Variants in SCUBE2 observed in about 807,000 individuals in gnomAD.
SCUBE2 encodes the protein signal peptide, CUB domain and EGF like domain containing 2.
In SCUBE2, 114 loss-of-function variants were observed where a neutral mutation model predicts 125.9. That is an observed-to-expected ratio of 0.91 (90% CI 0.78 to 1.06). The LOEUF (loss-of-function observed/expected upper bound fraction) is 1.06. Ranked by LOEUF, SCUBE2 falls within the 50% of genes least tolerant of loss-of-function variation. The probability of loss-of-function intolerance (pLI) is 0.00; values close to 1 mark genes in which losing one functional copy is unlikely to be tolerated. For missense variants in SCUBE2, 1,255 were observed against 1,301.8 expected (o/e 0.96, Z 0.55); for synonymous variants, 459 against 492.9 (o/e 0.93, Z 0.91).
chr11:9,076,773 T>TGAGCA (rs1861243376), intron 3 of SCUBE2, among the ~76,000 whole-genome samples: 1 of 152,220 alleles, frequency 6.6e-6, no homozygotes, highest in Admixed American at 6.5e-5. Context: ...CCCACACTAC[T>TGAGCA]GAGCAGATGT....
chr11:9,038,408 G>C lies in SCUBE2; in HGVS notation c.2003-4612C>G, dbSNP rs114059404. ...TAATCCCAGCACACTGGGAGGCTGA[G>C]GCAGGAGGACTGCTTGAGCCCAGAG... On this transcript the variant is annotated intron_variant, in intron 16 of 22. Transcript: ENST00000649792. Among the ~76,000 whole-genome samples, 794 of 152,302 alleles carry C rather than the reference G, an allele frequency of 5.2e-3. 10 individuals carry two copies. The highest frequency in any genetic ancestry group is 0.018 in the African/African-American group (756 of 41,560).
rs1197718385 is a variant in SCUBE2, at chr11:9,033,770, C to G, written c.2029G>C (p.Asp677His). 2 of 1,614,146 alleles carry G rather than the reference C, an allele frequency of 1.2e-6. No individual in the cohort carries two copies. Among genetic ancestry groups the G allele is most frequent in the South Asian group, 2.2e-5 (2 of 91,080 alleles). The change falls in exon 17 of 23, where the codon GAT (aspartate) becomes CAT (histidine). Residue 677 changes from aspartate (D) to histidine (H), a missense_variant. Physicochemically the swap from Asp to His is moderately conservative, Grantham distance 81. Around this residue, in one of 3 missense-constraint regions of SCUBE2, gnomAD observed 515 missense variants for 515.7 expected, o/e 1.00. Coordinates refer to ENST00000649792, the MANE Select transcript of SCUBE2 (RefSeq NM_001367977.2). ...CVSCRAGTYY[D>H]GARERCILCP... is the part of the protein sequence containing the mutation. ...AAAATGCAGCGTTCTCGTGCTCCAT[C>G]ATAATAGGTCCCAGCCCTGCAACTG...
intron 16 of SCUBE2, among the ~76,000 whole-genome samples, chr11:9,038,369 G>A (rs1280077085): frequency 1.3e-5 from 2 of 152,310 alleles, no homozygotes; most frequent in Non-Finnish European, 2.9e-5. Context: ...GCTGGGTGCT[G>A]TGGCTCACAC....
intron 2 of SCUBE2, among the ~76,000 whole-genome samples, chr11:9,081,216 A>T (rs1319783246): frequency 6.6e-6 from 1 of 152,166 alleles, no homozygotes; most frequent in Non-Finnish European, 1.5e-5. Context: ...TTCTTTCTGT[A>T]AATGTACAGT....
At chr11:9,072,512 T>A (rs1038473345) in intron 4 of SCUBE2, among the ~76,000 whole-genome samples, 15 of 152,324 alleles carry the variant, frequency 9.8e-5, no homozygotes, top group Middle Eastern at 3.4e-3. Flanking sequence ...CTGGCACCAC[T>A]GTGGGTTTTT....
At chr11:9,072,459 C>T (rs188318086) in intron 4 of SCUBE2, among the ~76,000 whole-genome samples, 1 of 152,268 alleles carries the variant, frequency 6.6e-6, no homozygotes, top group African/African-American at 2.4e-5. Context: ...CTGCCTGCCT[C>T]GGCCTCCCAA....
At chr11:9,030,074 GA>G (rs756051585) in intron 18 of SCUBE2, 29 bp from the exon 19 acceptor site, 1 of 1,586,622 alleles carries the variant, frequency 6.3e-7, no homozygotes, top group Non-Finnish European at 8.6e-7. Context: ...TGAAAAGAAT[GA>G]AAAAAAGAAA....
intron 3 of SCUBE2, 111 bp downstream of exon 3, chr11:9,079,273 G>A: frequency 3.2e-6 from 4 of 1,255,830 alleles, no homozygotes; most frequent in Admixed American, 4.6e-5. Flanking sequence ...CAAGGGAGCA[G>A]AAAACACAAG....
intron 13 of SCUBE2, 105 bp from the exon 14 acceptor site, chr11:9,050,815 C>A (rs1255410383): frequency 1.2e-6 from 1 of 854,048 alleles, no homozygotes; most frequent in African/African-American, 1.6e-5. Context: ...CCACACACAG[C>A]ACACCCTGAG....
At chr11:9,037,542 T>C (rs1179576910) in intron 16 of SCUBE2, among the ~76,000 whole-genome samples, 1 of 152,260 alleles carries the variant, frequency 6.6e-6, no homozygotes, top group African/African-American at 2.4e-5. Flanking sequence ...AGTATTTGAC[T>C]GCTTTCTTAA....
At chr11:9,078,495 T>C (rs985854628) in intron 3 of SCUBE2, among the ~76,000 whole-genome samples, 26 of 152,222 alleles carry the variant, frequency 1.7e-4, no homozygotes, top group African/African-American at 7.2e-5. Context: ...CTTTTTCTAG[T>C]TCCTTTTATG....
intron 16 of SCUBE2, 102 bp downstream of exon 16, chr11:9,047,254 G>A (rs771239011): frequency 1.5e-5 from 17 of 1,168,064 alleles, no homozygotes; most frequent in Middle Eastern, 2.0e-4. Flanking sequence ...TCTCTAAAGT[G>A]AGCCCTGAGA....
chr11:9,041,752 TG>T (rs1226031469), intron 16 of SCUBE2, among the ~76,000 whole-genome samples: 1 of 152,054 alleles, frequency 6.6e-6, no homozygotes, highest in Non-Finnish European at 1.5e-5. Flanking sequence ...CTACACAGAA[TG>T]GGGGACACAG....
At chr11:9,066,113 T>C in intron 6 of SCUBE2, 133 bp from the exon 7 acceptor site, 1 of 644,284 alleles carries the variant, frequency 1.6e-6, no homozygotes, top group Non-Finnish European at 2.7e-6. Context: ...GCAATAAAAA[T>C]GTGTTGTAAT....
chr11:9,044,275 T>C (rs780932491), intron 16 of SCUBE2, among the ~76,000 whole-genome samples: 3 of 152,180 alleles, frequency 2.0e-5, no homozygotes, highest in Non-Finnish European at 4.4e-5. Context: ...TTTGTTAAGA[T>C]AGGCTCTTGG....
At chr11:9,032,018 T>C (rs924204464) in intron 17 of SCUBE2, among the ~76,000 whole-genome samples, 16 of 152,256 alleles carry the variant, frequency 1.1e-4, no homozygotes, top group African/African-American at 3.9e-4. Flanking sequence ...AATGATTATA[T>C]GAATTGTGAA....
At chr11:9,025,616 G>T in intron 21 of SCUBE2, 86 bp downstream of exon 21, 1 of 1,510,528 alleles carries the variant, frequency 6.6e-7, no homozygotes, top group Non-Finnish European at 9.0e-7. Flanking sequence ...GAGCATGTGT[G>T]CTTGTCAGCA....
At chr11:9,035,663 C>CT (rs1353106670) in intron 16 of SCUBE2, among the ~76,000 whole-genome samples, 1 of 151,898 alleles carries the variant, frequency 6.6e-6, no homozygotes, top group Non-Finnish European at 1.5e-5. Context: ...TGGGAACGTT[C>CT]TCTGTTATAA....
intron 10 of SCUBE2, 146 bp from the exon 11 acceptor site, chr11:9,053,905 C>T (rs550876636): frequency 3.6e-5 from 34 of 938,114 alleles, no homozygotes; most frequent in Non-Finnish European, 4.9e-5. Context: ...AGCATGAGCG[C>T]TCGGCACCAG....
Sources: allele counts gnomAD v4.1 joint callset (sites outside exome capture counted in the v4.1 genomes callset), GRCh38; gene constraint gnomAD v4.1.1; regional missense constraint gnomAD v4.1.1; transcripts MANE v1.5; gene names NCBI Gene and HGNC (gene_info 2026-07-23, HGNC 2026-07-21).